DCHS2: variants seen among roughly 807,000 people sequenced by gnomAD.
The protein encoded by DCHS2 is dachsous cadherin-related 2.
DCHS2 carries 142 observed loss-of-function variants against 182.4 expected under a neutral mutation model. The ratio of observed to expected loss-of-function variants is 0.78; its 90% confidence interval spans 0.68 to 0.89. The LOEUF (loss-of-function observed/expected upper bound fraction) is 0.89. DCHS2 is among the 40% of genes least tolerant of loss of function. The pLI is 0.00. For missense variants in DCHS2, 4,319 were observed against 4,198.6 expected (o/e 1.03, Z -0.79); for synonymous variants, 1,740 against 1,663.3 (o/e 1.05, Z -1.12).
intron 9 of DCHS2, among the ~76,000 whole-genome samples, chr4:154,318,228 G>A (rs980530141): frequency 2.3e-4 from 34 of 150,806 alleles, no homozygotes; most frequent in South Asian, 4.2e-4. Context: ...GTATATATAC[G>A]TTATATAAGT....
At chr4:154,328,286 C>A in intron 6 of DCHS2, 94 bp from the exon 7 acceptor site, 1 of 797,202 alleles carries the variant, frequency 1.3e-6, no homozygotes, top group Non-Finnish European at 2.0e-6. Flanking sequence ...TTATACTAAA[C>A]ATTTTAAACT....
At chr4:154,469,163 T>A (rs1251729219) in intron 1 of DCHS2, among the ~76,000 whole-genome samples, 1 of 151,860 alleles carries the variant, frequency 6.6e-6, no homozygotes, top group Non-Finnish European at 1.5e-5. Context: ...AGAGAAAAGG[T>A]TGTTTATTGG....
intron 12 of DCHS2, among the ~76,000 whole-genome samples, chr4:154,302,956 C>CGT: frequency 4.4e-5 from 3 of 68,776 alleles, no homozygotes; most frequent in African/African-American, 3.3e-4. Context: ...CACACACACA[C>CGT]ACACACACAC....
rs144084315 is a variant in DCHS2, at chr4:154,486,752, C to T, written c.2052+2552G>A. 3.3e-5 allele frequency among the ~76,000 whole-genome samples: 5 copies of T among 152,174 alleles called. No homozygotes were observed. In the East Asian group the frequency reaches 5.8e-4, roughly 18 times the overall value. The stretch of plus-strand genomic sequence containing the variant: ...ATTAGGGGGTAAGTCAGCTGTGGGG[C>T]GTATGGAACACAGAAAGTTCACATA... On this transcript the variant is annotated intron_variant, in intron 1 of 19. Coordinates refer to ENST00000357232, the MANE Select transcript of DCHS2 (RefSeq NM_001358235.2).
At chr4:154,416,765 G>C (rs1393518023) in intron 1 of DCHS2, among the ~76,000 whole-genome samples, 1 of 152,206 alleles carries the variant, frequency 6.6e-6, no homozygotes, top group Non-Finnish European at 1.5e-5. Flanking sequence ...GGTGCTGCTT[G>C]TTTAAATCTC....
At chr4:154,365,651 C>CT (rs138458589) in intron 3 of DCHS2, among the ~76,000 whole-genome samples, 3 of 147,390 alleles carry the variant, frequency 2.0e-5, no homozygotes, top group South Asian at 2.2e-4. Flanking sequence ...GATAACAGTA[C>CT]TTTTTTTTTT....
Position 154,366,243 on chromosome 4 carries a change from C to T in DCHS2, c.2443G>A (p.Val815Met), listed in dbSNP as rs536580730. Residue 815 changes from valine to methionine, a missense_variant, in exon 3 of 20, where the codon GTG becomes ATG. Physicochemically the swap from Val to Met is conservative, Grantham distance 21 (BLOSUM62 1). Transcript: ENST00000357232. ...TVAYELIPGN[V>M]SSLFTIDSTT... ...GAGTCAATGGTAAAAAGGGACGACACGTTTCCTGGAATAAGCTCATAAGCC... is the reference window on the plus strand; with the variant it reads ...GAGTCAATGGTAAAAAGGGACGACATGTTTCCTGGAATAAGCTCATAAGCC... 63 of 1,613,668 alleles carry T rather than the reference C, an allele frequency of 3.9e-5. No individual in the cohort carries two copies. In the Middle Eastern group the frequency reaches 5.1e-4, roughly 13 times the overall value.
intron 1 of DCHS2, among the ~76,000 whole-genome samples, chr4:154,475,635 G>T (rs1018662024): frequency 1.3e-5 from 2 of 152,152 alleles, no homozygotes; most frequent in Non-Finnish European, 2.9e-5. Flanking sequence ...GGACTCACAT[G>T]CTATTTACCT....
chr4:154,295,293 T>A (rs1268320944), intron 13 of DCHS2, among the ~76,000 whole-genome samples: 2 of 152,250 alleles, frequency 1.3e-5, no homozygotes, highest in African/African-American at 4.8e-5. Context: ...AGTCAAATGA[T>A]TAAATTCCAT....
At chr4:154,318,761 A>T (rs558934875) in intron 9 of DCHS2, among the ~76,000 whole-genome samples, 39 of 152,196 alleles carry the variant, frequency 2.6e-4, no homozygotes, top group Non-Finnish European at 3.8e-4. Context: ...TATTATTAAA[A>T]TGTTCATACT....
intron 14 of DCHS2, among the ~76,000 whole-genome samples, chr4:154,268,543 C>A (rs1733413097): frequency 6.6e-6 from 1 of 152,176 alleles, no homozygotes; most frequent in South Asian, 2.1e-4. Flanking sequence ...TTGTTTATTT[C>A]TGGACCTTCC....
At chr4:154,283,217 C>T (rs965782351) in intron 13 of DCHS2, among the ~76,000 whole-genome samples, 4 of 151,988 alleles carry the variant, frequency 2.6e-5, no homozygotes, top group Non-Finnish European at 5.9e-5. Flanking sequence ...TTTCTACCAC[C>T]TTCCTATCAT....
chr4:154,462,464 T>A (rs1735050719), intron 1 of DCHS2, among the ~76,000 whole-genome samples: 1 of 152,214 alleles, frequency 6.6e-6, no homozygotes, highest in African/African-American at 2.4e-5. Context: ...ATTATTTATG[T>A]TCTCTGAGAG....
chr4:154,461,988 G>A (rs1735026974), intron 1 of DCHS2, among the ~76,000 whole-genome samples: 2 of 152,246 alleles, frequency 1.3e-5, no homozygotes, highest in South Asian at 2.1e-4. Context: ...AAAAGCACAA[G>A]AGGGAGGTCA....
At chr4:154,380,730 G>A (rs748727504) in intron 1 of DCHS2, among the ~76,000 whole-genome samples, 67 of 152,148 alleles carry the variant, frequency 4.4e-4, no homozygotes, top group Admixed American at 7.9e-4. Context: ...TTTCAGAATC[G>A]TAACATAAGA....
At chr4:154,254,772 A>C (rs1732565236) in intron 16 of DCHS2, among the ~76,000 whole-genome samples, 1 of 152,064 alleles carries the variant, frequency 6.6e-6, no homozygotes, top group South Asian at 2.1e-4. Flanking sequence ...AGGAGACAGA[A>C]GCTGCAGTGA....
rs558361119 is a variant in DCHS2 at position 154,242,536 on chromosome 4, G to A, written c.7072+106C>T. The A allele has an allele frequency of 2.3e-4, 323 of 1,398,556 alleles. 1 individual carries two copies. In the African/African-American group the frequency reaches 4.4e-3, roughly 19 times the overall value. The allele number at this position is 1,398,556 out of a possible 1,614,324, so 86.6% of individuals were successfully genotyped here. ...AGACAAAAATGATCTAGTTTGCTTG[G>A]TTGTTGAGGATTAGCACTCATGTTA... is the stretch of plus-strand genomic sequence containing the variant. On this transcript the variant is annotated intron_variant, in intron 17 of 19. Transcript: ENST00000357232.
intron 2 of DCHS2, among the ~76,000 whole-genome samples, chr4:154,367,285 G>C (rs761148227): frequency 2.0e-5 from 3 of 152,148 alleles, no homozygotes; most frequent in Non-Finnish European, 4.4e-5. Flanking sequence ...AGAACAGACC[G>C]AAGAGCAGCA....
chr4:154,297,208 C>T (rs1051346160), intron 13 of DCHS2, among the ~76,000 whole-genome samples: 20 of 152,272 alleles, frequency 1.3e-4, no homozygotes, highest in Non-Finnish European at 2.8e-4. Flanking sequence ...GCTTCAACAG[C>T]TTCCTTAACT....
Sources: allele counts gnomAD v4.1 joint callset (sites outside exome capture counted in the v4.1 genomes callset), GRCh38; gene constraint gnomAD v4.1.1; transcripts MANE v1.5; gene names NCBI Gene and HGNC (gene_info 2026-07-23, HGNC 2026-07-21).